GPC6: variants seen among roughly 807,000 people sequenced by gnomAD.
The protein encoded by GPC6 is glypican 6.
A neutral mutation model predicts 55.2 loss-of-function variants in GPC6; 14 were observed. That is an observed-to-expected ratio of 0.25 (90% confidence interval 0.17 to 0.40). GPC6 has a LOEUF of 0.40. Ranked by LOEUF, GPC6 falls within the 10% of genes least tolerant of loss-of-function variation. The pLI, the probability that GPC6 is intolerant of heterozygous loss-of-function variation, is 1.00. For synonymous variants in GPC6, 278 were observed against 259.6 expected (o/e 1.07, Z -0.68); for missense variants, 641 against 708.5 (o/e 0.90, Z 1.08).
chr13:93,975,540 T>A (rs928681509), intron 3 of GPC6, among the ~76,000 whole-genome samples: 4 of 152,148 alleles, frequency 2.6e-5, no homozygotes, highest in African/African-American at 4.8e-5. Context: ...GAAACAAAAA[T>A]TATTTTTTAA....
chr13:93,579,423 T>C (rs1203270764), intron 2 of GPC6, among the ~76,000 whole-genome samples: 1 of 150,218 alleles, frequency 6.7e-6, no homozygotes, highest in African/African-American at 2.5e-5. Flanking sequence ...AAATATAATA[T>C]AGGAAAAGAA....
intron 3 of GPC6, among the ~76,000 whole-genome samples, chr13:93,917,892 T>C (rs1227807304): frequency 6.6e-6 from 1 of 151,760 alleles, no homozygotes; most frequent in Non-Finnish European, 1.5e-5. Context: ...AGCTCAGGAG[T>C]TCGAGACTAG....
At chr13:93,384,734 C>G (rs952410034) in intron 1 of GPC6, among the ~76,000 whole-genome samples, 6 of 152,198 alleles carry the variant, frequency 3.9e-5, no homozygotes, top group African/African-American at 1.4e-4. Flanking sequence ...TATGAATACA[C>G]ATGTCTATGA....
chr13:94,081,844 CT>C (rs201141414), intron 4 of GPC6, among the ~76,000 whole-genome samples: 196 of 132,878 alleles, frequency 1.5e-3, no homozygotes, highest in Middle Eastern at 4.1e-3. Context: ...TACTACTTTC[CT>C]TTTTTTTTTT....
At chr13:93,902,863 T>C (rs12429491) in intron 3 of GPC6, among the ~76,000 whole-genome samples, 5,392 of 152,268 alleles carry the variant, frequency 0.035, 270 homozygotes, top group East Asian at 0.17. Flanking sequence ...GGGTCTTTGC[T>C]GATTTTTAAA....
chr13:93,242,156 G>T (rs1315019089), intron 1 of GPC6, among the ~76,000 whole-genome samples: 2 of 152,132 alleles, frequency 1.3e-5, no homozygotes, highest in Non-Finnish European at 2.9e-5. Flanking sequence ...GTAAGAATTG[G>T]CTGTGGCTAA....
chr13:93,834,639 CT>C (rs1244265459), intron 3 of GPC6, among the ~76,000 whole-genome samples: 1 of 151,988 alleles, frequency 6.6e-6, no homozygotes, highest in Admixed American at 6.6e-5. Flanking sequence ...TTGTGTAAAG[CT>C]TTTTTAATGA....
intron 6 of GPC6, among the ~76,000 whole-genome samples, chr13:94,309,815 C>T (rs1372646772): frequency 6.6e-6 from 1 of 151,824 alleles, no homozygotes; most frequent in African/African-American, 2.4e-5. Context: ...CCTACCATCA[C>T]GTTGCTTTCT....
chr13:94,386,546 T>C (rs1206637918), intron 7 of GPC6, among the ~76,000 whole-genome samples: 1 of 152,050 alleles, frequency 6.6e-6, no homozygotes, highest in African/African-American at 2.4e-5. Flanking sequence ...GCTATTATTG[T>C]GCCACTGTAC....
chr13:94,254,025 G>T (rs1385303998), intron 4 of GPC6, among the ~76,000 whole-genome samples: 1 of 152,096 alleles, frequency 6.6e-6, no homozygotes, highest in Non-Finnish European at 1.5e-5. Flanking sequence ...CATGAGTGCT[G>T]TTTCCTTCCC....
At chr13:93,516,181 G>A (rs1458036814) in intron 1 of GPC6, among the ~76,000 whole-genome samples, 1 of 152,132 alleles carries the variant, frequency 6.6e-6, no homozygotes, top group Admixed American at 6.6e-5. Context: ...AGTAAAAAGA[G>A]TAGAGTAAAA....
At chr13:93,699,745 A>G (rs570815934) in intron 2 of GPC6, among the ~76,000 whole-genome samples, 1 of 152,150 alleles carries the variant, frequency 6.6e-6, no homozygotes, top group Admixed American at 6.6e-5. Context: ...TTCTATTACT[A>G]TGGATATATA....
chr13:94,226,136 C>T (rs1369693565), intron 4 of GPC6, among the ~76,000 whole-genome samples: 3 of 152,148 alleles, frequency 2.0e-5, no homozygotes, highest in African/African-American at 7.2e-5. Flanking sequence ...GAGGAAAACA[C>T]AACAGAGCAC....
chr13:93,237,688 T>C (rs1422389317), intron 1 of GPC6, among the ~76,000 whole-genome samples: 1 of 152,096 alleles, frequency 6.6e-6, no homozygotes, highest in East Asian at 1.9e-4. Flanking sequence ...TCTATAATTT[T>C]AATGGTTTCA....
At chr13:94,009,793 G>A (rs1882169180) in intron 3 of GPC6, among the ~76,000 whole-genome samples, 1 of 152,124 alleles carries the variant, frequency 6.6e-6, no homozygotes, top group South Asian at 2.1e-4. Context: ...TGAGAGTTAT[G>A]TACGTTTAAT....
chr13:93,784,424 C>T (rs1016727587), intron 2 of GPC6, among the ~76,000 whole-genome samples: 24 of 152,142 alleles, frequency 1.6e-4, no homozygotes, highest in African/African-American at 5.5e-4. Flanking sequence ...AGGGAAATTT[C>T]TGTTTATGTA....
At chr13:93,746,420 T>C (rs908608628) in intron 2 of GPC6, among the ~76,000 whole-genome samples, 5 of 152,120 alleles carry the variant, frequency 3.3e-5, no homozygotes, top group African/African-American at 2.4e-5. Context: ...TCCCAGAACA[T>C]GTAAGGCTGC....
intron 1 of GPC6, among the ~76,000 whole-genome samples, chr13:93,370,213 T>C (rs1165454034): frequency 1.3e-5 from 2 of 152,098 alleles, no homozygotes; most frequent in Non-Finnish European, 2.9e-5. Context: ...CCTTTGGGTT[T>C]CTAGATAATG....
At chr13:94,277,571 A>G (rs2139073065) in intron 4 of GPC6, among the ~76,000 whole-genome samples, 1 of 152,254 alleles carries the variant, frequency 6.6e-6, no homozygotes, top group East Asian at 1.9e-4. Flanking sequence ...TGAGTCTTAC[A>G]TTTAAGTCTT....
Sources: gnomAD v4.1 joint callset for allele counts (sites outside exome capture counted in the v4.1 genomes callset) on GRCh38, gnomAD v4.1.1 for gene constraint, MANE v1.5 for transcripts, NCBI Gene and HGNC (gene_info 2026-07-23, HGNC 2026-07-21) for gene names.